RNF128: variants seen among roughly 807,000 people sequenced by gnomAD.
The protein encoded by RNF128 is E3 ubiquitin-protein ligase RNF128.
RNF128 carries 13 observed loss-of-function variants against 26.2 expected under a neutral mutation model. The observed-to-expected ratio is 0.50, with a 90% CI of 0.32 to 0.79. The LOEUF (loss-of-function observed/expected upper bound fraction) is 0.79. Among genes scored for constraint, RNF128 ranks in the 30% least tolerant of loss-of-function variants. The pLI is 0.03. For missense variants in RNF128, 315 were observed against 349.7 expected (o/e 0.90, Z 0.79); for synonymous variants, 149 against 142.5 (o/e 1.05, Z -0.32).
chrX:106,707,826 A>C (rs1929068737), intron 1 of RNF128, among the ~76,000 whole-genome samples: 2 of 111,481 alleles, frequency 1.8e-5, no homozygotes, highest in Admixed American at 1.9e-4. Flanking sequence ...ACACCAACTG[A>C]AAAGTACTAC....
intron 1 of RNF128, 40 bp from the exon 2 acceptor site, chrX:106,772,873 T>G: frequency 8.5e-7 from 1 of 1,178,129 alleles, no homozygotes; most frequent in Non-Finnish European, 1.1e-6. Context: ...ATACTAAGAA[T>G]GTTTCACCAA....
rs1176343824 is a variant in RNF128 at position 106,757,922 on chromosome X, G to A, written c.485-14991G>A. On this transcript the variant is annotated intron_variant, in intron 1 of 6. Transcript: ENST00000255499. ...ACTTTTACCACTGTTATGCAACGTA[G>A]TACTGGAGGTCCTAGCTAGAGACAT... 2.7e-5 allele frequency among the ~76,000 whole-genome samples: 3 copies of A among 111,239 alleles called. No homozygotes were observed. The East Asian group carries it at 8.5e-4, about 31-fold the overall frequency.
In RNF128 at chrX:106,721,578, TGGTA is replaced by T. The variant is rs1206557051; in HGVS notation, c.406+27173_406+27176del. Among the ~76,000 whole-genome samples, 7 of 111,813 alleles carry T rather than the reference TGGTA, an allele frequency of 6.3e-5. No homozygotes were observed. The East Asian group carries it at 2.0e-3, about 31-fold the overall frequency. ...AAATATTTAGCAGGGTAGGCCTTTG[TGGTA>T]GGATTTGAAGAATTCAAAAAGGCTC... On this transcript the variant is annotated intron_variant, in intron 1 of 6. Coordinates refer to the RNF128 transcript ENST00000324342.
intron 1 of RNF128, among the ~76,000 whole-genome samples, chrX:106,748,993 A>G (rs1308321929): frequency 1.8e-5 from 2 of 112,193 alleles, no homozygotes; most frequent in African/African-American, 3.2e-5. Context: ...TATCACAAAA[A>G]TATGTACAAC....
chrX:106,722,632 G>A (rs908528927), upstream of RNF128, among the ~76,000 whole-genome samples: 1 of 111,767 alleles, frequency 8.9e-6, no homozygotes, highest in Admixed American at 9.5e-5. Flanking sequence ...TGTAAGCCTC[G>A]AAATTTGATT....
chrX:106,735,271 T>C (rs1485586245), intron 1 of RNF128, among the ~76,000 whole-genome samples: 3 of 111,942 alleles, frequency 2.7e-5, no homozygotes, highest in Non-Finnish European at 5.6e-5. Flanking sequence ...ACCAAGTTGG[T>C]ACAAATCAGT....
intron 1 of RNF128, among the ~76,000 whole-genome samples, chrX:106,729,872 G>C (rs1486207266): frequency 1.8e-5 from 2 of 112,179 alleles, no homozygotes; most frequent in Non-Finnish European, 3.8e-5. Context: ...AGTAAGCCTA[G>C]GGTTTCCTTT....
At chrX:106,721,337 G>A (rs1467474505) in intron 1 of RNF128, among the ~76,000 whole-genome samples, 1 of 111,660 alleles carries the variant, frequency 9.0e-6, no homozygotes, top group Non-Finnish European at 1.9e-5. Context: ...TTCATTTAAT[G>A]GTGAGAAGCC....
At chrX:106,717,019 G>A (rs1929227624) in intron 1 of RNF128, among the ~76,000 whole-genome samples, 2 of 110,079 alleles carry the variant, frequency 1.8e-5, no homozygotes, top group South Asian at 8.0e-4. Flanking sequence ...TGGCTAGCAC[G>A]GTGAAACCCC....
chrX:106,788,654 TTA>T (rs1172089090), intron 4 of RNF128, among the ~76,000 whole-genome samples: 1 of 64,005 alleles, frequency 1.6e-5, no homozygotes, highest in East Asian at 5.4e-4. Context: ...TAATATATAA[TTA>T]TATATACTAT....
At position 106,788,424 on chromosome X, in the gene RNF128, T is replaced by TA. The variant is rs1375735786; in HGVS notation, c.887+425dup. 6.7e-3 allele frequency among the ~76,000 whole-genome samples: 325 copies of TA among 48,661 alleles called. 7 individuals carry two copies. The highest frequency in any genetic ancestry group is 0.026 in the African/African-American group (295 of 11,528). The allele number at this position is 48,661 out of a possible 115,157, so 42.3% of individuals were successfully genotyped here. On this transcript the variant is annotated intron_variant, in intron 4 of 6. Transcript: ENST00000255499. ...TATATAATATATAATATATAATATA[T>TA]ATTATATATAATATTATTATAATTA...
At chrX:106,708,488 G>C (rs765113366) in intron 1 of RNF128, among the ~76,000 whole-genome samples, 4 of 112,433 alleles carry the variant, frequency 3.6e-5, no homozygotes, top group African/African-American at 1.3e-4. Context: ...ATGTGAATTT[G>C]AGTAGAGTAT....
At chrX:106,704,185 C>G (rs1368501774) in intron 1 of RNF128, among the ~76,000 whole-genome samples, 1 of 110,047 alleles carries the variant, frequency 9.1e-6, no homozygotes, top group Non-Finnish European at 1.9e-5. Flanking sequence ...CCTGTAATCC[C>G]AGCACTTTGG....
rs752839851 is a variant in RNF128, at chrX:106,714,276, T to G, written c.406+19868T>G. 3.6e-5 allele frequency among the ~76,000 whole-genome samples: 4 copies of G among 111,566 alleles called. No individual in the cohort carries two copies. In the East Asian group the frequency reaches 8.4e-4, roughly 23 times the overall value. On this transcript the variant is annotated intron_variant, in intron 1 of 6. Transcript: ENST00000324342. ...AGAAACACGGTGATTTTTTTTTATG[T>G]TTTAAGAAAATATGCAAATTCTTCA...
intron 1 of RNF128, among the ~76,000 whole-genome samples, chrX:106,729,684 G>A (rs1235505342): frequency 1.8e-5 from 2 of 111,399 alleles, no homozygotes; most frequent in Non-Finnish European, 3.8e-5. Context: ...ACCAAAGTTT[G>A]CCATCAAGCT....
At chrX:106,785,279 C>T (rs142692078) in intron 3 of RNF128, 143 bp downstream of exon 3, 19,807 of 450,731 alleles carry the variant, frequency 0.044, 442 homozygotes, top group Non-Finnish European at 0.053. Flanking sequence ...TAGAGGTTGG[C>T]TGAATAATGG....
intron 1 of RNF128, chrX:106,694,416 A>G: frequency 1.7e-6 from 2 of 1,158,548 alleles, no homozygotes; most frequent in Non-Finnish European, 2.3e-6. Context: ...TTGGTAAGTA[A>G]TAATTGATTC....
exon 1 of RNF128, chrX:106,693,985 T>A (rs1348224705): frequency 8.6e-7 from 1 of 1,165,823 alleles, no homozygotes; most frequent in South Asian, 2.0e-5. Flanking sequence ...TTAAATTTTA[T>A]ACTCAAATGA....
intron 1 of RNF128, among the ~76,000 whole-genome samples, chrX:106,699,213 TCCAC>T (rs746766251): frequency 2.9e-3 from 319 of 111,839 alleles, no homozygotes; most frequent in African/African-American, 0.01. Flanking sequence ...AAAATGTAAT[TCCAC>T]CCCAGTTAGA....
Sources: allele counts gnomAD v4.1 joint callset (sites outside exome capture counted in the v4.1 genomes callset), GRCh38; gene constraint gnomAD v4.1.1; transcripts MANE v1.5; gene names NCBI Gene and HGNC (gene_info 2026-07-23, HGNC 2026-07-21).